KRT18: variants seen among roughly 807,000 people sequenced by gnomAD.
KRT18 encodes keratin 18.
In KRT18, 8 loss-of-function variants were observed where a neutral mutation model predicts 39.9. That is an observed-to-expected ratio of 0.20 (90% confidence interval 0.12 to 0.36). The LOEUF is 0.36. KRT18 is among the 10% of genes least tolerant of loss of function. KRT18 has a pLI of 1.00. For missense variants in KRT18, 396 were observed against 565.7 expected (o/e 0.70, Z 3.04); for synonymous variants, 194 against 227.8 (o/e 0.85, Z 1.33).
Position 52,950,266 on chromosome 12 carries a change from A to T in KRT18, c.418-62A>T. ...CTAGGATACATAACACTTTTTACAC[A>T]CTCACCCCACCCATCCCTGGCTTTC... On this transcript the variant is annotated intron_variant, in intron 1 of 6. Transcript: ENST00000388835. The T allele has an allele frequency of 2.5e-6, 3 of 1,204,770 alleles. No individual in the cohort carries two copies. In the South Asian group the frequency reaches 3.6e-5, roughly 15 times the overall value. 74.6% of individuals were successfully genotyped at this position (1,204,770 alleles called of 1,614,324 possible).
At chr12:52,951,415 C>T in intron 3 of KRT18, 66 bp from the exon 4 acceptor site, 1 of 1,511,378 alleles carries the variant, frequency 6.6e-7, no homozygotes, top group Non-Finnish European at 9.2e-7. Flanking sequence ...GAGGCAATCA[C>T]AGAAGAAAGG....
chr12:52,951,594 C>T lies in KRT18; in HGVS notation c.771C>T (p.Asp257=), dbSNP rs529125152. Residue 257 remains aspartate, a synonymous_variant, in exon 4 of 7, where the codon GAC becomes GAT. Coordinates refer to ENST00000388835, the MANE Select transcript of KRT18 (RefSeq NM_000224.3). ...KIMADIRAQY[D]ELARKNREEL... ...TGGCAGACATCCGGGCCCAATATGA[C>T]GAGCTGGCTCGGAAGAACCGAGAGG... 12 of 1,614,066 alleles carry T rather than the reference C, an allele frequency of 7.4e-6. No homozygotes were observed. The highest frequency in any genetic ancestry group is 4.4e-5 in the South Asian group (4 of 91,076).
upstream of KRT18, chr12:52,949,024 A>G (rs1942405068): frequency 5.7e-6 from 4 of 701,290 alleles, no homozygotes; most frequent in Admixed American, 1.1e-4. Context: ...GCGGGCTCCG[A>G]GCCGTCCACC....
chr12:52,951,585 C>G lies in KRT18; in HGVS notation c.762C>G (p.Ala254=). 6.2e-7 allele frequency: 1 copy of G among 1,614,118 alleles called. No homozygotes were observed. The highest frequency in any genetic ancestry group is 1.1e-5 in the South Asian group (1 of 91,084). The part of the protein sequence containing the change: ...DLAKIMADIR[A]QYDELARKNR... ...CCAAGATCATGGCAGACATCCGGGC[C>G]CAATATGACGAGCTGGCTCGGAAGA... The change falls in exon 4 of 7, where the codon GCC becomes GCG. Residue 254 remains alanine, a synonymous_variant. Transcript: ENST00000388835.
Position 52,949,149 on chromosome 12 carries a change from T to A in KRT18, c.-25T>A, listed in dbSNP as rs774897980. ...ACCGTCGTCCGCAAAGCCTGAGTCC[T>A]GTCCTTTCTCTCTCCCCGGACAGCA... On this transcript the variant is annotated 5_prime_UTR_variant, in exon 1 of 7. Coordinates refer to ENST00000388835, the MANE Select transcript of KRT18 (RefSeq NM_000224.3). The A allele has an allele frequency of 1.9e-4, 297 of 1,587,992 alleles. No individual in the cohort carries two copies. Among genetic ancestry groups the A allele is most frequent in the Non-Finnish European group, 2.5e-4 (291 of 1,159,052 alleles).
intron 1 of KRT18, 124 bp downstream of exon 1, chr12:52,949,714 C>G: frequency 1.1e-6 from 1 of 891,560 alleles, no homozygotes; most frequent in Non-Finnish European, 1.8e-6. Flanking sequence ...GTTGGGCATA[C>G]CTGGATTTCC....
intron 3 of KRT18, 81 bp downstream of exon 3, chr12:52,950,987 T>C: frequency 7.5e-7 from 1 of 1,337,142 alleles, no homozygotes; most frequent in Non-Finnish European, 1.0e-6. Context: ...ACAAACCAAC[T>C]GCAAGTAGCC....
chr12:52,951,765 C>T lies in KRT18; in HGVS notation c.857C>T (p.Ser286Phe). 1 of 1,613,392 alleles carries T rather than the reference C, an allele frequency of 6.2e-7. No individual in the cohort carries two copies. Among genetic ancestry groups the T allele is most frequent in the Non-Finnish European group, 8.5e-7 (1 of 1,180,022 alleles). ...AGCACCACAGTGGTCACCACACAGT[C>T]TGCTGAGGTTGGAGCTGCTGAGACG... ...EESTTVVTTQ[S>F]AEVGAAETTL... Residue 286 changes from serine to phenylalanine, a missense_variant, in exon 5 of 7, where the codon TCT becomes TTT. Physicochemically the swap from Ser to Phe is radical, Grantham distance 155 (BLOSUM62 -2). Coordinates refer to ENST00000388835, the MANE Select transcript of KRT18 (RefSeq NM_000224.3).
intron 1 of KRT18, 148 bp downstream of exon 1, chr12:52,949,738 G>C: frequency 1.3e-6 from 1 of 758,922 alleles, no homozygotes; most frequent in Non-Finnish European, 2.4e-6. Flanking sequence ...CGCGCACCTA[G>C]CCACAGGGTC....
intron 6 of KRT18, 39 bp downstream of exon 6, chr12:52,952,381 G>C: frequency 7.3e-7 from 1 of 1,362,414 alleles, no homozygotes; most frequent in East Asian, 2.4e-5. Flanking sequence ...CTGGGATCAG[G>C]AGATCACTTC....
Position 52,951,463 on chromosome 12 carries a change from TG to T in KRT18, c.658-17del. On this transcript the variant is annotated splice_polypyrimidine_tract_variant and intron_variant, in intron 3 of 6. Coordinates refer to ENST00000388835, the MANE Select transcript of KRT18 (RefSeq NM_000224.3). ...TCTGACCCTGAACCCTCCTCACTTT[TG>T]CCCCTGTCACCTTTAGGAAGTAAAA... is the stretch of plus-strand genomic sequence containing the variant. 6.2e-7 allele frequency: 1 copy of T among 1,613,780 alleles called. No homozygotes were observed. The highest frequency in any genetic ancestry group is 8.5e-7 in the Non-Finnish European group (1 of 1,179,702).
In KRT18 at chr12:52,952,173, A is replaced by T. The variant is rs1382413504; in HGVS notation, c.1003A>T (p.Met335Leu). The T allele has an allele frequency of 6.3e-7, 1 of 1,583,638 alleles. No homozygotes were observed. Among genetic ancestry groups the T allele is most frequent in the Admixed American group, 1.8e-5 (1 of 54,374 alleles). ...REVEARYALQ[M>L]EQLNGILLHL... Reference sequence around the variant, plus strand: ...GGTGGAGGCCCGCTACGCCCTACAGATGGAGCAGCTCAACGGGATCCTGCT... The same window carrying T: ...GGTGGAGGCCCGCTACGCCCTACAGTTGGAGCAGCTCAACGGGATCCTGCT... The change falls in exon 6 of 7, where the codon ATG (methionine) becomes TTG (leucine). Residue 335 changes from methionine to leucine, a missense_variant. Transcript: ENST00000388835.
rs1459557586 is a variant in KRT18 at position 52,950,897 on chromosome 12, C to T, written c.648C>T (p.Asn216=). Residue 216 remains asparagine (N), a synonymous_variant, in exon 3 of 7, where the codon AAC becomes AAT. Coordinates refer to ENST00000388835, the MANE Select transcript of KRT18 (RefSeq NM_000224.3). ...LKEELLFMKK[N]HEEEVKGLQA... ...AGGAGCTGCTCTTCATGAAGAAGAACCACGAAGAGGCAAGCAGGGGCCACT... is the reference window on the plus strand; with the variant it reads ...AGGAGCTGCTCTTCATGAAGAAGAATCACGAAGAGGCAAGCAGGGGCCACT... 2 of 1,579,504 alleles carry T rather than the reference C, an allele frequency of 1.3e-6. No homozygotes were observed. The highest frequency in any genetic ancestry group is 1.7e-6 in the Non-Finnish European group (2 of 1,164,354).
intron 1 of KRT18, chr12:52,950,039 G>C: frequency 1.6e-6 from 1 of 607,090 alleles, no homozygotes. Context: ...TGCCAGGAGA[G>C]GGCCAGGAAG....
chr12:52,951,754 C>G lies in KRT18; in HGVS notation c.846C>G (p.Val282=). 6.2e-7 allele frequency: 1 copy of G among 1,613,366 alleles called. No homozygotes were observed. The highest frequency in any genetic ancestry group is 1.3e-5 in the African/African-American group (1 of 74,996). Residue 282 remains valine (V), a synonymous_variant, in exon 5 of 7, where the codon GTC becomes GTG. Coordinates refer to ENST00000388835, the MANE Select transcript of KRT18 (RefSeq NM_000224.3). ...AGATTGAGGAGAGCACCACAGTGGT[C>G]ACCACACAGTCTGCTGAGGTTGGAG... ...SQQIEESTTV[V]TTQSAEVGAA...
At chr12:52,950,224 G>A in intron 1 of KRT18, 104 bp from the exon 2 acceptor site, 2 of 834,320 alleles carry the variant, frequency 2.4e-6, no homozygotes, top group Non-Finnish European at 4.2e-6. Flanking sequence ...GCTATTCCTG[G>A]GACCAGGAAG....
chr12:52,950,199 C>T (rs1942455333), intron 1 of KRT18, 129 bp from the exon 2 acceptor site: 2 of 777,722 alleles, frequency 2.6e-6, no homozygotes, highest in Admixed American at 1.7e-5. Context: ...GATAGGTGTC[C>T]AGGGAGAGCC....
chr12:52,950,079 G>A (rs921434981), intron 1 of KRT18: 6 of 629,922 alleles, frequency 9.5e-6, no homozygotes, highest in Admixed American at 2.8e-5. Flanking sequence ...TCACTTCTGG[G>A]CAGGCAGGCC....
intron 1 of KRT18, 109 bp downstream of exon 1, chr12:52,949,699 AG>A (rs1565737792): frequency 4.9e-6 from 5 of 1,029,802 alleles, no homozygotes; most frequent in South Asian, 1.3e-5. Context: ...CTCCACCGGG[AG>A]GGGGTTGGGC....
Sources: gnomAD v4.1 joint callset for allele counts on GRCh38, gnomAD v4.1.1 for gene constraint, MANE v1.5 for transcripts, NCBI Gene and HGNC (gene_info 2026-07-23, HGNC 2026-07-21) for gene names.